Variants in RTL9 observed in about 807,000 individuals in gnomAD.
RTL9 encodes the protein retrotransposon Gag like 9.
RTL9 carries 19 observed loss-of-function variants against 44.7 expected under a neutral mutation model. The ratio of observed to expected loss-of-function variants is 0.42; its 90% CI spans 0.30 to 0.62. The LOEUF (loss-of-function observed/expected upper bound fraction) is 0.62, where lower values mean the gene tolerates loss of function less well. RTL9 is among the 20% of genes least tolerant of loss of function. The probability of loss-of-function intolerance (pLI) is 0.16; values close to 1 mark genes in which losing one functional copy is unlikely to be tolerated. For synonymous variants in RTL9, 407 were observed against 398.9 expected (o/e 1.02, Z -0.24); for missense variants, 1,105 against 1,080.6 (o/e 1.02, Z -0.32).
chrX:110,429,775 G>T (rs916227132), intron 1 of RTL9, among the ~76,000 whole-genome samples: 2 of 112,262 alleles, frequency 1.8e-5, no homozygotes, highest in African/African-American at 6.5e-5. Context: ...GAGCCACCAT[G>T]CCTGGCTAGA....
At chrX:110,455,144 A>G (rs1219358421) in intron 1 of RTL9, 58 bp from the exon 4 acceptor site, 2 of 1,194,531 alleles carry the variant, frequency 1.7e-6, no homozygotes, top group African/African-American at 1.8e-5. Context: ...TCCAGGCAGA[A>G]CACCCGTTGC....
chrX:110,433,225 C>T (rs1436485563), intron 1 of RTL9, among the ~76,000 whole-genome samples: 2 of 112,634 alleles, frequency 1.8e-5, no homozygotes, highest in Non-Finnish European at 3.8e-5. Context: ...TATGTGCCCA[C>T]CACTGTGCTG....
chrX:110,406,293 T>C (rs1168848163), intron 1 of RTL9, among the ~76,000 whole-genome samples: 2 of 107,328 alleles, frequency 1.9e-5, no homozygotes, highest in Non-Finnish European at 3.9e-5. Context: ...TGTGTGATGT[T>C]CCCCTCTCTG....
exon 2 of RTL9, chrX:110,455,555 T>C (rs2068975849): frequency 3.1e-6 from 1 of 318,471 alleles, no homozygotes; most frequent in Non-Finnish European, 5.5e-6. Context: ...GTATGGTGTA[T>C]GAGGTTCTGA....
At chrX:110,448,631 C>T (rs1383240143), upstream of RTL9, among the ~76,000 whole-genome samples, 2 of 83,374 alleles carry the variant, frequency 2.4e-5, no homozygotes, top group African/African-American at 9.8e-5. Context: ...AATCTGGGAC[C>T]AGAGAGACAG....
intron 1 of RTL9, among the ~76,000 whole-genome samples, chrX:110,438,311 A>T (rs989507263): frequency 4.5e-5 from 5 of 111,822 alleles, no homozygotes; most frequent in African/African-American, 1.6e-4. Context: ...TTGGGAGCGG[A>T]TGGAGAGATT....
At chrX:110,360,837 T>C (rs2068258295) in intron 1 of RTL9, among the ~76,000 whole-genome samples, 1 of 110,996 alleles carries the variant, frequency 9.0e-6, no homozygotes, top group Admixed American at 9.6e-5. Flanking sequence ...AAATGGTGAA[T>C]TGAGAGACAT....
chrX:110,377,964 G>A (rs1365377148), intron 1 of RTL9, among the ~76,000 whole-genome samples: 5 of 92,775 alleles, frequency 5.4e-5, no homozygotes, highest in Non-Finnish European at 8.1e-5. Flanking sequence ...AGCCGAGATC[G>A]CGCCACTGCA....
Position 110,370,236 on chromosome X carries a change from A to G in RTL9, c.-168+11320A>G, listed in dbSNP as rs6642764. On this transcript the variant is annotated intron_variant, in intron 1 of 2. Transcript: ENST00000520821. ...TATTATTATTTTTTAAAGACAGAGT[A>G]TCACTCTTGTCACCCAGGCTGGAGT... is the stretch of plus-strand genomic sequence containing the variant. Among the ~76,000 whole-genome samples, 50 of 111,780 alleles carry G rather than the reference A, an allele frequency of 4.5e-4. No homozygotes were observed. The East Asian group carries it at 8.1e-3, about 18-fold the overall frequency.
chrX:110,421,036 C>T (rs1210885334), intron 1 of RTL9, among the ~76,000 whole-genome samples: 2 of 111,807 alleles, frequency 1.8e-5, no homozygotes, highest in Non-Finnish European at 3.8e-5. Context: ...TTGATATTTG[C>T]GTGAAAAGGC....
chrX:110,410,432 G>A (rs1030761496), intron 1 of RTL9, among the ~76,000 whole-genome samples: 2 of 112,176 alleles, frequency 1.8e-5, no homozygotes, highest in South Asian at 3.8e-4. Flanking sequence ...TATCTTTGAC[G>A]ATGTCTATCC....
At chrX:110,362,263 T>G (rs151157526) in intron 1 of RTL9, among the ~76,000 whole-genome samples, 2,310 of 111,622 alleles carry the variant, frequency 0.021, 60 homozygotes, top group African/African-American at 0.072. Context: ...CACTAAAACT[T>G]AAGCTTGTTA....
chrX:110,372,140 C>T (rs2068343440), intron 1 of RTL9, among the ~76,000 whole-genome samples: 1 of 111,701 alleles, frequency 9.0e-6, no homozygotes, highest in Admixed American at 9.5e-5. Context: ...GTGTTTAGAT[C>T]TTGGGCTTCT....
At chrX:110,450,953 A>G (rs1440415198) in exon 1 of RTL9, 1 of 1,212,037 alleles carries the variant, frequency 8.3e-7, no homozygotes, top group Non-Finnish European at 1.1e-6. Context: ...ACTCTGGGGC[A>G]CTGTCCCCAT....
chrX:110,366,544 G>A (rs1041552475), intron 1 of RTL9, among the ~76,000 whole-genome samples: 7 of 111,396 alleles, frequency 6.3e-5, no homozygotes, highest in Non-Finnish European at 9.4e-5. Context: ...GAACAATTAC[G>A]TGCTAAACTA....
chrX:110,420,420 G>A (rs373597960), intron 1 of RTL9, among the ~76,000 whole-genome samples: 10 of 111,961 alleles, frequency 8.9e-5, no homozygotes, highest in Admixed American at 3.8e-4. Context: ...CCCTGGTCAA[G>A]CATAGCACTG....
At chrX:110,454,212 A>T in exon 1 of RTL9, 1 of 1,211,913 alleles carries the variant, frequency 8.3e-7, no homozygotes, top group Non-Finnish European at 1.1e-6. Flanking sequence ...AGCAGCAGAG[A>T]GGTGGTTCAT....
chrX:110,454,316 C>T (rs1192440060), exon 1 of RTL9: 3 of 1,211,859 alleles, frequency 2.5e-6, no homozygotes, highest in Non-Finnish European at 3.4e-6. Context: ...CTGAGATAGA[C>T]ATCCTCAGTG....
At chrX:110,441,544 G>C (rs1285725637) in intron 1 of RTL9, among the ~76,000 whole-genome samples, 1 of 112,476 alleles carries the variant, frequency 8.9e-6, no homozygotes, top group Non-Finnish European at 1.9e-5. Flanking sequence ...ATCTGAAACT[G>C]TTGGAGCTAG....
Sources: allele counts gnomAD v4.1 joint callset (sites outside exome capture counted in the v4.1 genomes callset), GRCh38; gene constraint gnomAD v4.1.1; transcripts MANE v1.5; gene names NCBI Gene and HGNC (gene_info 2026-07-23, HGNC 2026-07-21).